The following CNTNAP4 variants were observed in gnomAD, a reference collection of about 807,000 sequenced individuals.
CNTNAP4 encodes contactin associated protein family member 4.
A neutral mutation model predicts 148.4 loss-of-function variants in CNTNAP4; 98 were observed. The observed-to-expected ratio is 0.66, with a 90% CI of 0.56 to 0.78. The LOEUF is 0.78. Ranked by LOEUF, CNTNAP4 falls within the 30% of genes least tolerant of loss-of-function variation. The probability of loss-of-function intolerance (pLI) is 0.00; values close to 1 mark genes in which losing one functional copy is unlikely to be tolerated. For synonymous variants in CNTNAP4, 730 were observed against 565.1 expected, an observed-to-expected ratio of 1.29 and a Z score of -4.14; for missense variants, 1,935 against 1,565.6, an observed-to-expected ratio of 1.24 and a Z score of -3.98.
At chr16:76,366,659 A>G (rs1218843766) in intron 3 of CNTNAP4, among the ~76,000 whole-genome samples, 4 of 152,082 alleles carry the variant, frequency 2.6e-5, no homozygotes, top group African/African-American at 9.7e-5. Context: ...CAGTAGTGGG[A>G]TTGCTGGGTC....
chr16:76,489,688 A>G lies in CNTNAP4; in HGVS notation c.1885A>G (p.Thr629Ala), dbSNP rs1473323484. The G allele has an allele frequency of 6.5e-7, 1 of 1,544,176 alleles. No homozygotes were observed. Among genetic ancestry groups the G allele is most frequent in the South Asian group, 1.2e-5 (1 of 81,520 alleles). The change falls in exon 13 of 24, where the codon ACT (threonine) becomes GCT (alanine). Residue 629 changes from threonine to alanine, a missense_variant and splice_region_variant. Thr to Ala is a moderately conservative substitution (Grantham distance 58). Coordinates refer to ENST00000611870, the MANE Select transcript of CNTNAP4 (RefSeq NM_033401.5). Reference sequence around the variant, plus strand: ...CTCCCCCCATTTCTGCATACAAGAAACTGCATGGACCATCATACAGCACAA... The same window carrying G: ...CTCCCCCCATTTCTGCATACAAGAAGCTGCATGGACCATCATACAGCACAA... ...PFLLYCNMTE[T>A]AWTIIQHNGS...
rs1301768504 is a variant in CNTNAP4 at position 76,553,832 on chromosome 16, G to T, written c.3662-4G>T. 3.1e-6 allele frequency: 5 copies of T among 1,604,028 alleles called. No individual in the cohort carries two copies. Among genetic ancestry groups the T allele is most frequent in the Non-Finnish European group, 4.3e-6 (5 of 1,171,966 alleles). On this transcript the variant is annotated splice_polypyrimidine_tract_variant and splice_region_variant and intron_variant, in intron 22 of 23. Transcript: ENST00000611870. ...CTTCCCCCTTTGTTGTGCTTTAACT[G>T]CAGATCATTCTGGAACAATAGATGA...
chr16:76,311,136 T>C (rs980410642), intron 1 of CNTNAP4, among the ~76,000 whole-genome samples: 1 of 152,086 alleles, frequency 6.6e-6, no homozygotes, highest in Admixed American at 6.6e-5. Flanking sequence ...ATTAAGAAAA[T>C]TGAATTACTT....
chr16:76,450,048 A>G (rs191569932), intron 7 of CNTNAP4, among the ~76,000 whole-genome samples, 190 bp downstream of exon 7: 11 of 152,222 alleles, frequency 7.2e-5, no homozygotes, highest in African/African-American at 2.6e-4. Context: ...TGGGGGCATA[A>G]TTATTTTATT....
intron 2 of CNTNAP4, among the ~76,000 whole-genome samples, chr16:76,345,235 C>T (rs1964805812): frequency 1.3e-5 from 2 of 152,174 alleles, no homozygotes; most frequent in African/African-American, 4.8e-5. Flanking sequence ...AAGAATTCCT[C>T]TGGCTAGCTC....
At position 76,521,360 on chromosome 16, in the gene CNTNAP4, A is replaced by C; in HGVS notation, c.2536+50A>C. ...GTATGAGATTCTATCATTTAGTAGTAAATCTTTTAACTAATTTTTAAACTA... is the reference window on the plus strand; with the variant it reads ...GTATGAGATTCTATCATTTAGTAGTCAATCTTTTAACTAATTTTTAAACTA... On this transcript the variant is annotated intron_variant, in intron 16 of 23. Transcript: ENST00000611870. The C allele has an allele frequency of 2.8e-6, 4 of 1,450,470 alleles. No homozygotes were observed. In the East Asian group the frequency reaches 7.0e-5, roughly 26 times the overall value. The allele number at this position is 1,450,470 out of a possible 1,614,324, so 89.8% of individuals were successfully genotyped here. A position where few individuals can be genotyped will look rare whatever the true frequency, so the allele number is the denominator to read the frequency against.
chr16:76,353,714 C>G (rs1466947769), intron 2 of CNTNAP4, among the ~76,000 whole-genome samples: 1 of 152,124 alleles, frequency 6.6e-6, no homozygotes. Context: ...ATGCTGTCCT[C>G]TGGTGCATCC....
intron 3 of CNTNAP4, among the ~76,000 whole-genome samples, chr16:76,366,650 A>T (rs2014169617): frequency 6.6e-6 from 1 of 152,140 alleles, no homozygotes; most frequent in South Asian, 2.1e-4. Flanking sequence ...GTATGTACTC[A>T]GTAGTGGGAT....
chr16:76,444,719 T>G (rs1325398255), intron 4 of CNTNAP4, among the ~76,000 whole-genome samples: 2 of 152,178 alleles, frequency 1.3e-5, no homozygotes, highest in African/African-American at 4.8e-5. Context: ...ACAATGAGTG[T>G]TATATCTAAA....
chr16:76,363,176 T>G (rs1034084277), intron 3 of CNTNAP4, among the ~76,000 whole-genome samples: 12 of 151,102 alleles, frequency 7.9e-5, no homozygotes, highest in Admixed American at 2.0e-4. Flanking sequence ...TTTTTTTTTT[T>G]GGGAGTTGGA....
At chr16:76,374,652 C>G (rs2015220155) in intron 3 of CNTNAP4, among the ~76,000 whole-genome samples, 2 of 151,758 alleles carry the variant, frequency 1.3e-5, no homozygotes, top group African/African-American at 2.4e-5. Flanking sequence ...GTACATTACT[C>G]TCACTTTCTT....
intron 3 of CNTNAP4, among the ~76,000 whole-genome samples, chr16:76,415,548 G>A (rs4591172): frequency 0.79 from 118,766 of 150,774 alleles, 47,336 homozygotes; most frequent in Non-Finnish European, 0.86. Flanking sequence ...TATTACCTTT[G>A]AAATCATTTT....
chr16:76,481,569 T>C (rs913377913), intron 12 of CNTNAP4, among the ~76,000 whole-genome samples: 4 of 151,882 alleles, frequency 2.6e-5, no homozygotes, highest in Admixed American at 6.5e-5. Context: ...TTTTAACTGC[T>C]TAATAGCCTC....
At chr16:76,534,620 A>G (rs1310910742) in intron 17 of CNTNAP4, among the ~76,000 whole-genome samples, 1 of 152,204 alleles carries the variant, frequency 6.6e-6, no homozygotes, top group Admixed American at 6.5e-5. Context: ...TGCTTATACA[A>G]TGATGGTCTA....
chr16:76,460,207 G>A (rs1249586798), intron 8 of CNTNAP4, among the ~76,000 whole-genome samples: 3 of 151,858 alleles, frequency 2.0e-5, no homozygotes, highest in East Asian at 3.9e-4. Context: ...TCCCAGGTTC[G>A]AGCAGTTCTC....
At chr16:76,377,768 A>G (rs1467922739) in intron 3 of CNTNAP4, among the ~76,000 whole-genome samples, 1 of 152,208 alleles carries the variant, frequency 6.6e-6, no homozygotes, top group Non-Finnish European at 1.5e-5. Context: ...AGGAAGAAAT[A>G]AAAATTCTCT....
intron 3 of CNTNAP4, among the ~76,000 whole-genome samples, chr16:76,387,399 A>G (rs961246165): frequency 5.3e-5 from 8 of 152,202 alleles, no homozygotes; most frequent in Admixed American, 2.0e-4. Flanking sequence ...AAACTGATTG[A>G]CTGATTTTGT....
chr16:76,546,328 A>C (rs373464967), intron 21 of CNTNAP4, among the ~76,000 whole-genome samples: 1 of 152,156 alleles, frequency 6.6e-6, no homozygotes, highest in African/African-American at 2.4e-5. Context: ...CAGGCAGGCA[A>C]GCAAGCGAAG....
At chr16:76,545,388 G>A (rs1382093649) in intron 21 of CNTNAP4, among the ~76,000 whole-genome samples, 1 of 152,124 alleles carries the variant, frequency 6.6e-6, no homozygotes, top group South Asian at 2.1e-4. Context: ...TATTCATGAC[G>A]TTGAAAGAAT....
Sources: allele counts gnomAD v4.1 joint callset (sites outside exome capture counted in the v4.1 genomes callset), GRCh38; gene constraint gnomAD v4.1.1; transcripts MANE v1.5; gene names NCBI Gene and HGNC (gene_info 2026-07-23, HGNC 2026-07-21).